SKAP2: variants seen among roughly 807,000 people sequenced by gnomAD.
SKAP2 encodes src kinase associated phosphoprotein 2, also known as src kinase-associated phosphoprotein 2.
A neutral mutation model predicts 54.9 loss-of-function variants in SKAP2; 28 were observed. The observed-to-expected ratio is 0.51, with a 90% confidence interval of 0.38 to 0.70. The LOEUF is 0.70. SKAP2 is among the 30% of genes least tolerant of loss of function. The pLI is 0.00. For synonymous variants in SKAP2, 137 were observed against 134.3 expected (o/e 1.02, Z -0.14); for missense variants, 356 against 424.1 (o/e 0.84, Z 1.41).
the SKAP2 span, among the ~76,000 whole-genome samples, chr7:26,655,282 G>A: frequency 6.6e-6 from 1 of 152,174 alleles, no homozygotes; most frequent in Non-Finnish European, 1.5e-5. Context: ...CTACTGTACA[G>A]TAACCACTCC....
rs144604851 is a variant in SKAP2 at position 26,707,596 on chromosome 7, G to C, written c.797-17234C>G. The stretch of plus-strand genomic sequence containing the variant: ...CAATATGGTCAACCAAGCTGAAACA[G>C]ACCTGTCCTTCCCCACTTGCTCAAA... On this transcript the variant is annotated intron_variant, in intron 9 of 12. Coordinates refer to ENST00000345317, the MANE Select transcript of SKAP2 (RefSeq NM_003930.5). Among the ~76,000 whole-genome samples, 990 of 152,234 alleles carry C rather than the reference G, an allele frequency of 6.5e-3. 8 individuals are homozygous for C. The highest frequency in any genetic ancestry group is 0.023 in the African/African-American group (941 of 41,516).
rs112654346 is a variant in SKAP2 at position 26,864,252 on chromosome 7, G to T, written c.67+111C>A. On this transcript the variant is annotated intron_variant, in intron 1 of 12. Coordinates refer to ENST00000345317, the MANE Select transcript of SKAP2 (RefSeq NM_003930.5). The stretch of plus-strand genomic sequence containing the variant: ...GTGCCGACCCCACTGGCTAGAAGAC[G>T]TGGGAAGCGCGGGGAGGGAGGATAA... 8.2e-6 allele frequency: 11 copies of T among 1,340,136 alleles called. No individual in the cohort carries two copies. The African/African-American group carries it at 1.4e-4, about 18-fold the overall frequency. 83.0% of individuals were successfully genotyped at this position (1,340,136 alleles called of 1,614,324 possible).
At chr7:26,762,933 A>G (rs908427755) in intron 4 of SKAP2, among the ~76,000 whole-genome samples, 12 of 152,206 alleles carry the variant, frequency 7.9e-5, no homozygotes, top group Admixed American at 7.2e-4. Flanking sequence ...TACAAGTTCC[A>G]GTATGTAACA....
intron 6 of SKAP2, among the ~76,000 whole-genome samples, chr7:26,738,378 T>C (rs1423606961): frequency 6.6e-6 from 1 of 152,202 alleles, no homozygotes; most frequent in Non-Finnish European, 1.5e-5. Context: ...TAAAGGGAGC[T>C]CAGAAAGGTG....
chr7:26,743,203 TA>T (rs1353005624), intron 4 of SKAP2, among the ~76,000 whole-genome samples: 8 of 151,978 alleles, frequency 5.3e-5, no homozygotes, highest in African/African-American at 1.9e-4. Context: ...AACCTTGTCC[TA>T]AAAAAAAGTT....
Position 26,814,565 on chromosome 7 carries a change from A to G in SKAP2, c.307+29465T>C, listed in dbSNP as rs1584405628. Among the ~76,000 whole-genome samples the G allele has an allele frequency of 3.3e-5, 3 of 91,228 alleles. No homozygotes were observed. The South Asian group carries it at 1.0e-3, about 31-fold the overall frequency. 59.8% of individuals were successfully genotyped at this position (91,228 alleles called of 152,430 possible). On this transcript the variant is annotated intron_variant, in intron 4 of 12. Transcript: ENST00000345317. ...AACTTCAAACACCCTTACACCAGCA[A>G]AAAAAAAAAAAAAAAAAGATTCAGT...
chr7:26,802,077 G>A (rs955917566), intron 4 of SKAP2, among the ~76,000 whole-genome samples: 3 of 152,054 alleles, frequency 2.0e-5, no homozygotes, highest in Non-Finnish European at 2.9e-5. Context: ...CAAAGCTGGA[G>A]GAATCGCATA....
At chr7:26,843,959 T>C in intron 4 of SKAP2, 71 bp downstream of exon 4, 2 of 962,538 alleles carry the variant, frequency 2.1e-6, no homozygotes, top group South Asian at 3.0e-5. Flanking sequence ...TGCTTTCTCA[T>C]AAAACTACCA....
intron 6 of SKAP2, among the ~76,000 whole-genome samples, chr7:26,730,101 C>T (rs149201432): frequency 2.0e-5 from 3 of 152,126 alleles, no homozygotes; most frequent in Admixed American, 6.6e-5. Context: ...TTAGCCAATA[C>T]AGGACAGGAA....
chr7:26,662,311 G>A (rs1438099966), downstream of SKAP2, among the ~76,000 whole-genome samples: 1 of 151,934 alleles, frequency 6.6e-6, no homozygotes, highest in Non-Finnish European at 1.5e-5. Context: ...AAACCCTTGC[G>A]TTTCCCTCCC....
chr7:26,801,954 A>G (rs770127793), intron 4 of SKAP2, among the ~76,000 whole-genome samples: 112 of 152,182 alleles, frequency 7.4e-4, no homozygotes, highest in Non-Finnish European at 1.4e-3. Flanking sequence ...ATTCAATGCA[A>G]TCCCTATCAA....
chr7:26,765,813 G>A (rs1232904273), intron 4 of SKAP2, among the ~76,000 whole-genome samples: 3 of 152,142 alleles, frequency 2.0e-5, no homozygotes, highest in Non-Finnish European at 2.9e-5. Flanking sequence ...CCCCTGTTCT[G>A]TTCCATTGCT....
intron 4 of SKAP2, among the ~76,000 whole-genome samples, chr7:26,800,714 G>A (rs1363621651): frequency 6.6e-6 from 1 of 152,254 alleles, no homozygotes; most frequent in South Asian, 2.1e-4. Flanking sequence ...TCTACACTAT[G>A]AGCAAGTACA....
chr7:26,786,699 G>A (rs1487714358), intron 4 of SKAP2, among the ~76,000 whole-genome samples: 1 of 152,154 alleles, frequency 6.6e-6, no homozygotes, highest in Non-Finnish European at 1.5e-5. Context: ...GCAAGAGCAG[G>A]GTCATGAGCT....
chr7:26,713,983 C>T (rs988957064), intron 9 of SKAP2, among the ~76,000 whole-genome samples: 2 of 152,068 alleles, frequency 1.3e-5, no homozygotes, highest in African/African-American at 2.4e-5. Context: ...AAGACAAAAG[C>T]GGTGGTAAGT....
At chr7:26,830,409 T>C (rs1784573746) in intron 4 of SKAP2, among the ~76,000 whole-genome samples, 1 of 152,146 alleles carries the variant, frequency 6.6e-6, no homozygotes, top group South Asian at 2.1e-4. Flanking sequence ...TATGGTTAAA[T>C]ATATCTCAAT....
intron 4 of SKAP2, among the ~76,000 whole-genome samples, chr7:26,755,930 C>T (rs1782780791): frequency 6.6e-6 from 1 of 152,018 alleles, no homozygotes; most frequent in African/African-American, 2.4e-5. Flanking sequence ...AAGAATCTAC[C>T]CTACAAATTA....
chr7:26,660,407 A>C, the SKAP2 span, among the ~76,000 whole-genome samples: 1 of 152,148 alleles, frequency 6.6e-6, no homozygotes, highest in Non-Finnish European at 1.5e-5. Context: ...TTAAAATTTC[A>C]AAACTGTTTA....
chr7:26,761,082 G>C (rs1336246158), intron 4 of SKAP2, among the ~76,000 whole-genome samples: 1 of 152,154 alleles, frequency 6.6e-6, no homozygotes, highest in African/African-American at 2.4e-5. Flanking sequence ...AAGTGGAACA[G>C]GGAAAACGCA....
Sources: gnomAD v4.1 joint callset for allele counts (sites outside exome capture counted in the v4.1 genomes callset) on GRCh38, gnomAD v4.1.1 for gene constraint, MANE v1.5 for transcripts, NCBI Gene and HGNC (gene_info 2026-07-23, HGNC 2026-07-21) for gene names.